PRKCA: variants seen among roughly 807,000 people sequenced by gnomAD.
PRKCA encodes protein kinase C alpha, also known as protein kinase C alpha type.
A neutral mutation model predicts 87.0 loss-of-function variants in PRKCA; 27 were observed. The observed-to-expected ratio is 0.31, with a 90% CI of 0.23 to 0.43. PRKCA has a LOEUF of 0.43. PRKCA is among the 20% of genes least tolerant of loss of function. The pLI is 1.00. For missense variants in PRKCA, 518 were observed against 852.3 expected (o/e 0.61, Z 4.88); for synonymous variants, 329 against 311.1 (o/e 1.06, Z -0.61).
intron 10 of PRKCA, 42 bp downstream of exon 10, chr17:66,735,704 CAG>C: frequency 6.3e-7 from 1 of 1,588,116 alleles, no homozygotes; most frequent in Non-Finnish European, 8.6e-7. Flanking sequence ...ACCCAGCTCT[CAG>C]AGCTACGCCT....
intron 8 of PRKCA, among the ~76,000 whole-genome samples, chr17:66,700,670 C>T (rs1459313030): frequency 6.6e-6 from 1 of 151,834 alleles, no homozygotes; most frequent in Non-Finnish European, 1.5e-5. Context: ...CTATTCAAAA[C>T]AATATAAGAA....
At chr17:66,528,115 G>A (rs985647951) in intron 3 of PRKCA, among the ~76,000 whole-genome samples, 1 of 151,666 alleles carries the variant, frequency 6.6e-6, no homozygotes, top group Non-Finnish European at 1.5e-5. Flanking sequence ...CTACTCAGGA[G>A]GCTGAGGCAG....
At chr17:66,604,249 A>G (rs1220042344) in intron 3 of PRKCA, among the ~76,000 whole-genome samples, 5 of 151,586 alleles carry the variant, frequency 3.3e-5, no homozygotes, top group African/African-American at 1.2e-4. Context: ...ATCTGCAAGA[A>G]AAAAAAAAGT....
At chr17:66,424,486 G>C (rs532026644) in intron 2 of PRKCA, among the ~76,000 whole-genome samples, 1 of 151,768 alleles carries the variant, frequency 6.6e-6, no homozygotes, top group South Asian at 2.1e-4. Flanking sequence ...AGAATTGCTT[G>C]AACCCAGGAG....
intron 3 of PRKCA, among the ~76,000 whole-genome samples, chr17:66,522,124 A>G (rs976278314): frequency 2.0e-5 from 3 of 152,120 alleles, no homozygotes; most frequent in Non-Finnish European, 2.9e-5. Flanking sequence ...ATCCCTCAAC[A>G]TGTCCAGTAG....
chr17:66,425,329 A>C (rs1896561411), intron 2 of PRKCA, among the ~76,000 whole-genome samples: 1 of 151,596 alleles, frequency 6.6e-6, no homozygotes, highest in African/African-American at 2.4e-5. Context: ...GCCCTCTGAC[A>C]GATTTGATCG....
chr17:66,580,633 T>C (rs1460736469), intron 3 of PRKCA, among the ~76,000 whole-genome samples: 1 of 152,210 alleles, frequency 6.6e-6, no homozygotes, highest in Non-Finnish European at 1.5e-5. Context: ...TTTACTGACA[T>C]TTAAACATGC....
chr17:66,534,523 C>T (rs897371760), intron 3 of PRKCA, among the ~76,000 whole-genome samples: 7 of 152,046 alleles, frequency 4.6e-5, no homozygotes, highest in South Asian at 4.2e-4. Flanking sequence ...AAAAATTAGC[C>T]GGGCGTGGTG....
intron 5 of PRKCA, among the ~76,000 whole-genome samples, chr17:66,651,225 G>A (rs1971584639): frequency 6.6e-6 from 1 of 152,170 alleles, no homozygotes; most frequent in Non-Finnish European, 1.5e-5. Context: ...GAGAGCTGGA[G>A]GGAAGTTTGT....
intron 2 of PRKCA, among the ~76,000 whole-genome samples, chr17:66,446,230 C>G (rs1328373210): frequency 1.7e-5 from 2 of 120,878 alleles, no homozygotes; most frequent in Admixed American, 8.5e-5. Flanking sequence ...ATGATAGACT[C>G]TCTTCCCAAC....
chr17:66,787,421 C>T (rs9916520), intron 15 of PRKCA, among the ~76,000 whole-genome samples: 109,599 of 152,042 alleles, frequency 0.72, 40,916 homozygotes, highest in African/African-American at 0.93. Flanking sequence ...ATGACTGTAC[C>T]GCACTTTTCA....
chr17:66,437,892 A>C (rs550120170), intron 2 of PRKCA, among the ~76,000 whole-genome samples: 173 of 152,114 alleles, frequency 1.1e-3, no homozygotes, highest in African/African-American at 3.7e-3. Flanking sequence ...ACTTATGTCT[A>C]TAAATACCTT....
chr17:66,590,083 C>T (rs1386398522), intron 3 of PRKCA, among the ~76,000 whole-genome samples: 1 of 152,068 alleles, frequency 6.6e-6, no homozygotes, highest in Non-Finnish European at 1.5e-5. Context: ...GGACAGGCAC[C>T]GGTCCATGGC....
Position 66,392,674 on chromosome 17 carries a change from C to T in PRKCA, c.205+86547C>T, listed in dbSNP as rs190830092. On this transcript the variant is annotated intron_variant, in intron 2 of 16. Coordinates refer to ENST00000413366, the MANE Select transcript of PRKCA (RefSeq NM_002737.3). ...AGTCAGCTGCATCCGCCTTGCTGTG[C>T]GAAATGCTGGTGAAAGCTCAGTGAC... Among the ~76,000 whole-genome samples the T allele has an allele frequency of 1.5e-4, 23 of 152,222 alleles. No individual in the cohort carries two copies. In the East Asian group the frequency reaches 4.2e-3, roughly 28 times the overall value.
At chr17:66,612,381 CAAAAAAAAAAAA>C (rs1200272317) in intron 3 of PRKCA, among the ~76,000 whole-genome samples, 2 of 87,858 alleles carry the variant, frequency 2.3e-5, no homozygotes, top group Non-Finnish European at 4.6e-5. Flanking sequence ...AAATCTGTCT[CAAAAAAAAAAAA>C]AAAAAAAAGA....
chr17:66,735,693 T>C (rs2144213279), intron 10 of PRKCA, 31 bp downstream of exon 10: 16 of 1,601,228 alleles, frequency 1.0e-5, no homozygotes, highest in Non-Finnish European at 1.4e-5. Flanking sequence ...TGCGATGCAG[T>C]ACCCAGCTCT....
chr17:66,696,039 G>T lies in PRKCA; in HGVS notation c.918+6992G>T, dbSNP rs913542591. Among the ~76,000 whole-genome samples, 5 of 152,234 alleles carry T rather than the reference G, an allele frequency of 3.3e-5. No homozygotes were observed. In the East Asian group the frequency reaches 9.6e-4, roughly 29 times the overall value. On this transcript the variant is annotated intron_variant, in intron 8 of 16. Coordinates refer to ENST00000413366, the MANE Select transcript of PRKCA (RefSeq NM_002737.3). ...AGTTTTGAGGACCAGTTCCCATCCTGTCCCTTCCTGGGGAGCAAGAGGTGT... is the reference window on the plus strand; with the variant it reads ...AGTTTTGAGGACCAGTTCCCATCCTTTCCCTTCCTGGGGAGCAAGAGGTGT...
At chr17:66,419,008 C>T (rs1388044296) in intron 2 of PRKCA, among the ~76,000 whole-genome samples, 1 of 151,998 alleles carries the variant, frequency 6.6e-6, no homozygotes, top group Non-Finnish European at 1.5e-5. Flanking sequence ...GATCGCCCAC[C>T]TCAGCCTCCC....
In PRKCA at chr17:66,450,586, G is replaced by A. The variant is rs115203486; in HGVS notation, c.206-45615G>A. ...GGCAGGGGAGGAAACAGAAAGCTGC[G>A]GTTGGAAGAAGACCTCAGCACAGGT... On this transcript the variant is annotated intron_variant, in intron 2 of 16. Coordinates refer to ENST00000413366, the MANE Select transcript of PRKCA (RefSeq NM_002737.3). Among the ~76,000 whole-genome samples, 841 of 142,324 alleles carry A rather than the reference G, an allele frequency of 5.9e-3. 6 individuals carry two copies. The highest frequency in any genetic ancestry group is 9.7e-3 in the Non-Finnish European group (606 of 62,632). The allele number at this position is 142,324 out of a possible 152,430, so 93.4% of individuals were successfully genotyped here.
Sources: gnomAD v4.1 joint callset for allele counts (sites outside exome capture counted in the v4.1 genomes callset) on GRCh38, gnomAD v4.1.1 for gene constraint, MANE v1.5 for transcripts, NCBI Gene and HGNC (gene_info 2026-07-23, HGNC 2026-07-21) for gene names.